The following ARSL variants were observed in gnomAD, a reference collection of about 807,000 sequenced individuals.
The protein encoded by ARSL is arylsulfatase E (chondrodysplasia punctata 1).
ARSL carries 4 observed loss-of-function variants against 31.1 expected under a neutral mutation model. The observed-to-expected ratio is 0.13, with a 90% confidence interval of 0.06 to 0.29. The LOEUF (loss-of-function observed/expected upper bound fraction) is 0.29. Ranked by LOEUF, ARSL falls within the 10% of genes least tolerant of loss-of-function variation. ARSL has a pLI of 1.00. For missense variants in ARSL, 312 were observed against 497.8 expected (o/e 0.63, Z 3.55); for synonymous variants, 198 against 209.9 (o/e 0.94, Z 0.49).
At chrX:2,947,576 G>C (rs186748581) in intron 6 of ARSL, among the ~76,000 whole-genome samples, 2 of 112,199 alleles carry the variant, frequency 1.8e-5, no homozygotes, top group Non-Finnish European at 3.8e-5. Flanking sequence ...TGAAGCCTAA[G>C]AGCAATGGTG....
In ARSL at chrX:2,959,216, T is replaced by G. The variant is rs2089568175; in HGVS notation, c.24-781A>C. On this transcript the variant is annotated intron_variant, in intron 2 of 10. Coordinates refer to ENST00000381134, the MANE Select transcript of ARSL (RefSeq NM_000047.3). Reference sequence around the variant, plus strand: ...GGGGCAAGGTGAGAACACAGTGAGCTGCTACTTCTGAGTCTATGAAAACCC... The same window carrying G: ...GGGGCAAGGTGAGAACACAGTGAGCGGCTACTTCTGAGTCTATGAAAACCC... 1.8e-5 allele frequency among the ~76,000 whole-genome samples: 2 copies of G among 111,545 alleles called. 1 individual carries two copies. The highest frequency in any genetic ancestry group is 1.9e-4 in the Admixed American group (2 of 10,436).
rs1301452852 is a variant in ARSL at position 2,938,120 on chromosome X, C to T, written c.1264G>A (p.Ala422Thr). ...CTGTCCTGGGGCACCTCGCCGCCCG[C>T]CAGCCGGACCACGGTGGGGAACACG... ...MDVFPTVVRL[A>T]GGEVPQDRVI... The change falls in exon 9 of 11, where the codon GCG becomes ACG. Residue 422 changes from alanine (A) to threonine (T), a missense_variant. Coordinates refer to ENST00000381134, the MANE Select transcript of ARSL (RefSeq NM_000047.3). 8.3e-7 allele frequency: 1 copy of T among 1,211,827 alleles called. No homozygotes were observed. The highest frequency in any genetic ancestry group is 1.7e-5 in the African/African-American group (1 of 57,851).
chrX:2,936,203 T>A (rs1455504147), intron 10 of ARSL, among the ~76,000 whole-genome samples: 3 of 110,051 alleles, frequency 2.7e-5, no homozygotes, highest in Non-Finnish European at 5.7e-5. Context: ...GGTGTAGTGG[T>A]GGGCACCTGT....
intron 7 of ARSL, among the ~76,000 whole-genome samples, chrX:2,944,420 C>G (rs1355601119): frequency 9.6e-5 from 10 of 103,986 alleles, no homozygotes; most frequent in African/African-American, 2.9e-4. Flanking sequence ...TGCCATTGCA[C>G]TCCAGCCTGG....
chrX:2,953,496 G>C (rs752133480), intron 4 of ARSL, among the ~76,000 whole-genome samples: 1 of 111,982 alleles, frequency 8.9e-6, no homozygotes, highest in African/African-American at 3.2e-5. Context: ...GTTATGTGCA[G>C]GTTATAAGCA....
intron 4 of ARSL, among the ~76,000 whole-genome samples, 173 bp from the exon 5 acceptor site, chrX:2,953,438 G>A (rs1357397831): frequency 5.3e-5 from 6 of 112,375 alleles, no homozygotes; most frequent in African/African-American, 1.3e-4. Context: ...TGGCAGCAAA[G>A]TAAATGATTA....
At chrX:2,957,817 C>T (rs746145202) in intron 3 of ARSL, among the ~76,000 whole-genome samples, 57 of 109,712 alleles carry the variant, frequency 5.2e-4, no homozygotes, top group African/African-American at 1.8e-3. Context: ...CCCAGAAGTT[C>T]GAGACGAGGC....
intron 7 of ARSL, among the ~76,000 whole-genome samples, chrX:2,944,473 C>CA (rs58863219): frequency 1.6e-3 from 152 of 94,177 alleles, no homozygotes; most frequent in Middle Eastern, 5.5e-3. Flanking sequence ...ACAAAAAAAA[C>CA]AAAAAAAAAA....
At chrX:2,964,133 A>G (rs2089676240) in intron 1 of ARSL, 91 bp downstream of exon 1, 1 of 746,889 alleles carries the variant, frequency 1.3e-6, no homozygotes, top group Admixed American at 8.9e-5. Flanking sequence ...TCAGAGACAG[A>G]AAAGGGAACG....
chrX:2,938,134 G>A lies in ARSL; in HGVS notation c.1250C>T (p.Thr417Ile). ...EPTSLMDVFP[T>I]VVRLAGGEVP... is the part of the protein sequence containing the mutation. ...CTCGCCGCCCGCCAGCCGGACCACGGTGGGGAACACGTCCATCAGACTCGT... is the reference window on the plus strand; with the variant it reads ...CTCGCCGCCCGCCAGCCGGACCACGATGGGGAACACGTCCATCAGACTCGT... Residue 417 changes from threonine (T) to isoleucine (I), a missense_variant, in exon 9 of 11, where the codon ACC becomes ATC. Transcript: ENST00000381134. 1 of 1,212,044 alleles carries A rather than the reference G, an allele frequency of 8.3e-7. No homozygotes were observed. Among genetic ancestry groups the A allele is most frequent in the Non-Finnish European group, 1.1e-6 (1 of 895,588 alleles).
intron 9 of ARSL, 100 bp from the exon 10 acceptor site, chrX:2,936,963 C>T: frequency 9.1e-7 from 1 of 1,096,746 alleles, no homozygotes; most frequent in Admixed American, 2.4e-5. Flanking sequence ...GTGCACTCTC[C>T]TTATGTTGTA....
At chrX:2,942,990 A>C in intron 8 of ARSL, 75 bp downstream of exon 8, 2 of 1,161,587 alleles carry the variant, frequency 1.7e-6, no homozygotes, top group Non-Finnish European at 2.3e-6. Context: ...CCCTCCTGGA[A>C]TAGATTGCCC....
intron 6 of ARSL, among the ~76,000 whole-genome samples, chrX:2,948,326 C>T (rs1422235539): frequency 9.0e-6 from 1 of 111,279 alleles, no homozygotes; most frequent in Admixed American, 9.6e-5. Context: ...TAAAATTGAC[C>T]GCAGGCTGAA....
intron 4 of ARSL, among the ~76,000 whole-genome samples, chrX:2,954,844 C>T (rs1227974855): frequency 1.8e-5 from 2 of 111,170 alleles, no homozygotes; most frequent in Non-Finnish European, 3.8e-5. Context: ...ATGGAAAAAG[C>T]CTTTCTTATT....
intron 8 of ARSL, among the ~76,000 whole-genome samples, 167 bp from the exon 9 acceptor site, chrX:2,938,424 A>G (rs1346096787): frequency 1.8e-5 from 2 of 111,705 alleles, no homozygotes; most frequent in African/African-American, 3.2e-5. Context: ...AAAACATTCA[A>G]TCTCATGTAG....
chrX:2,939,553 T>C (rs934847727), intron 8 of ARSL, among the ~76,000 whole-genome samples: 13 of 111,867 alleles, frequency 1.2e-4, no homozygotes, highest in African/African-American at 4.2e-4. Context: ...TGGGAAGGCA[T>C]TAGTGGATGT....
chrX:2,950,110 C>T (rs1000771387), intron 5 of ARSL, among the ~76,000 whole-genome samples: 30 of 111,951 alleles, frequency 2.7e-4, no homozygotes, highest in African/African-American at 8.8e-4. Flanking sequence ...CTCCCAGCTC[C>T]TGAGGGCTCC....
At chrX:2,954,182 T>TA in intron 4 of ARSL, among the ~76,000 whole-genome samples, 1 of 111,551 alleles carries the variant, frequency 9.0e-6, no homozygotes, top group Non-Finnish European at 1.9e-5. Flanking sequence ...ACTTGGGCTT[T>TA]GGGATGGTGG....
chrX:2,959,038 C>T (rs1465395826), intron 2 of ARSL, among the ~76,000 whole-genome samples: 2 of 112,095 alleles, frequency 1.8e-5, no homozygotes, highest in Non-Finnish European at 3.8e-5. Context: ...GTCATGGTTT[C>T]TTGGATGGAT....
Sources: gnomAD v4.1 joint callset for allele counts (sites outside exome capture counted in the v4.1 genomes callset) on GRCh38, gnomAD v4.1.1 for gene constraint, MANE v1.5 for transcripts, NCBI Gene and HGNC (gene_info 2026-07-23, HGNC 2026-07-21) for gene names.